Variants in NELL1 observed in about 807,000 individuals in gnomAD.
NELL1 encodes protein kinase C-binding protein NELL1.
Under a neutral mutation model 107.4 loss-of-function variants are expected in NELL1, and 76 were observed. That is an observed-to-expected ratio of 0.71 (90% CI 0.59 to 0.86). NELL1 has a LOEUF of 0.86. Among genes scored for constraint, NELL1 ranks in the 40% least tolerant of loss-of-function variants. The pLI is 0.00. For missense variants in NELL1, 1,024 were observed against 1,005.5 expected (o/e 1.02, Z -0.25); for synonymous variants, 353 against 341.2 (o/e 1.03, Z -0.38).
At chr11:21,419,595 T>C (rs1305990012) in intron 15 of NELL1, among the ~76,000 whole-genome samples, 1 of 152,152 alleles carries the variant, frequency 6.6e-6, no homozygotes, top group African/African-American at 2.4e-5. Flanking sequence ...TTCTTATTAC[T>C]GGTCCCAAGG....
At chr11:20,973,874 G>T (rs1406883145) in intron 12 of NELL1, among the ~76,000 whole-genome samples, 1 of 152,178 alleles carries the variant, frequency 6.6e-6, no homozygotes, top group Non-Finnish European at 1.5e-5. Context: ...GTCTTTTGAT[G>T]CTGACACCTG....
At chr11:21,415,783 G>A (rs1443335190) in intron 15 of NELL1, among the ~76,000 whole-genome samples, 1 of 151,962 alleles carries the variant, frequency 6.6e-6, no homozygotes, top group Non-Finnish European at 1.5e-5. Flanking sequence ...CCATTCTCTG[G>A]CACTGGTGCT....
intron 13 of NELL1, among the ~76,000 whole-genome samples, chr11:21,226,355 C>A (rs1440791797): frequency 1.3e-5 from 2 of 152,160 alleles, no homozygotes; most frequent in Admixed American, 6.5e-5. Flanking sequence ...GGTTTAGTTT[C>A]AGCCACATCC....
chr11:20,879,975 T>C (rs939177046), intron 4 of NELL1, among the ~76,000 whole-genome samples: 2 of 152,184 alleles, frequency 1.3e-5, no homozygotes, highest in Non-Finnish European at 2.9e-5. Flanking sequence ...AAATAGATCA[T>C]CAGTTTTCTC....
At position 21,056,546 on chromosome 11, in the gene NELL1, T is replaced by A. The variant is rs563949392; in HGVS notation, c.1301-57043T>A. Reference sequence around the variant, plus strand: ...GAACATTTTAGGAACACTAACAAACTGTGGTTGTTATAATACAGTCTTCTG... The same window carrying A: ...GAACATTTTAGGAACACTAACAAACAGTGGTTGTTATAATACAGTCTTCTG... On this transcript the variant is annotated intron_variant, in intron 12 of 19. Transcript: ENST00000357134. Among the ~76,000 whole-genome samples, 4 of 152,266 alleles carry A rather than the reference T, an allele frequency of 2.6e-5. No individual in the cohort carries two copies. The South Asian group carries it at 8.3e-4, about 32-fold the overall frequency.
chr11:20,927,383 C>G lies in NELL1; in HGVS notation c.835C>G (p.Leu279Val), dbSNP rs772160419. 4.3e-6 allele frequency: 7 copies of G among 1,613,286 alleles called. No homozygotes were observed. The highest frequency in any genetic ancestry group is 5.9e-6 in the Non-Finnish European group (7 of 1,179,578). ...GAAGACTTGTCAAGTGAGTGGACTGCTCTATCGAGATCAAGACTCTTGGGT... is the reference window on the plus strand; with the variant it reads ...GAAGACTTGTCAAGTGAGTGGACTGGTCTATCGAGATCAAGACTCTTGGGT... ...CEKTCQVSGL[L>V]YRDQDSWVDG... The change falls in exon 8 of 20, where the codon CTC (leucine) becomes GTC (valine). Residue 279 changes from leucine to valine, a missense_variant. Transcript: ENST00000357134.
chr11:21,142,409 A>G (rs1458198589), intron 13 of NELL1, among the ~76,000 whole-genome samples: 1 of 152,200 alleles, frequency 6.6e-6, no homozygotes, highest in Non-Finnish European at 1.5e-5. Flanking sequence ...TTCCCTTGCT[A>G]TCTGGGTCCC....
intron 12 of NELL1, among the ~76,000 whole-genome samples, chr11:21,035,888 A>C (rs1173470948): frequency 6.6e-6 from 1 of 152,174 alleles, no homozygotes; most frequent in Non-Finnish European, 1.5e-5. Flanking sequence ...TGGCCAGAGT[A>C]ATCAGGCAAG....
At chr11:21,362,815 G>A (rs540598223) in intron 14 of NELL1, among the ~76,000 whole-genome samples, 9 of 152,210 alleles carry the variant, frequency 5.9e-5, no homozygotes, top group Admixed American at 2.6e-4. Context: ...GGAGGCTTAC[G>A]CAAGTCTTGG....
chr11:21,316,211 G>A (rs542029607), intron 14 of NELL1, among the ~76,000 whole-genome samples: 2 of 151,246 alleles, frequency 1.3e-5, no homozygotes, highest in South Asian at 4.2e-4. Context: ...CTAATACCCA[G>A]GGGACTTTTT....
chr11:21,315,372 C>A (rs570577419), intron 14 of NELL1, among the ~76,000 whole-genome samples: 12 of 152,218 alleles, frequency 7.9e-5, no homozygotes, highest in African/African-American at 2.2e-4. Context: ...CCAGTTAAGA[C>A]ACAAGGGTCG....
chr11:20,813,086 A>C (rs1857539894), intron 3 of NELL1, among the ~76,000 whole-genome samples: 1 of 147,862 alleles, frequency 6.8e-6, no homozygotes, highest in South Asian at 2.2e-4. Context: ...GCTGAAAGCT[A>C]AATTGATTCC....
intron 2 of NELL1, among the ~76,000 whole-genome samples, chr11:20,779,511 C>T (rs1261464689): frequency 6.6e-6 from 1 of 152,178 alleles, no homozygotes; most frequent in Non-Finnish European, 1.5e-5. Flanking sequence ...ACAGCAAATA[C>T]ATACTGTAGT....
intron 12 of NELL1, among the ~76,000 whole-genome samples, chr11:21,075,930 T>G (rs752581110): frequency 1.9e-4 from 29 of 152,210 alleles, no homozygotes; most frequent in Non-Finnish European, 2.6e-4. Context: ...TAGGAATAAT[T>G]GTTGGAATCT....
At chr11:21,060,087 T>C (rs568417111) in intron 12 of NELL1, among the ~76,000 whole-genome samples, 51 of 152,244 alleles carry the variant, frequency 3.3e-4, no homozygotes, top group African/African-American at 1.2e-3. Flanking sequence ...AATAGGACCT[T>C]GGTGTCACTC....
chr11:21,305,052 C>T (rs1486099914), intron 14 of NELL1, among the ~76,000 whole-genome samples: 1 of 151,910 alleles, frequency 6.6e-6, no homozygotes, highest in Non-Finnish European at 1.5e-5. Context: ...ATGAAAGAGT[C>T]CAGATTTTGT....
intron 14 of NELL1, among the ~76,000 whole-genome samples, chr11:21,272,627 G>T (rs932278739): frequency 6.6e-6 from 1 of 152,214 alleles, no homozygotes; most frequent in East Asian, 1.9e-4. Context: ...TCTGACACCC[G>T]AGTAGCCTAA....
intron 12 of NELL1, among the ~76,000 whole-genome samples, chr11:21,088,198 C>T (rs373725798): frequency 8.6e-5 from 13 of 151,922 alleles, no homozygotes; most frequent in African/African-American, 2.7e-4. Context: ...CACGACCATA[C>T]CCTCCGGGAC....
At chr11:20,759,692 T>C (rs1342856999) in intron 2 of NELL1, among the ~76,000 whole-genome samples, 4 of 152,182 alleles carry the variant, frequency 2.6e-5, no homozygotes, top group African/African-American at 2.4e-5. Flanking sequence ...CCAGGGCTGA[T>C]AGAATCCTCT....
Sources: gnomAD v4.1 joint callset for allele counts (sites outside exome capture counted in the v4.1 genomes callset) on GRCh38, gnomAD v4.1.1 for gene constraint, MANE v1.5 for transcripts, NCBI Gene and HGNC (gene_info 2026-07-23, HGNC 2026-07-21) for gene names.